ECE1: variants seen among roughly 807,000 people sequenced by gnomAD.
ECE1 encodes endothelin converting enzyme 1, also known as endothelin-converting enzyme 1.
In ECE1, 35 loss-of-function variants were observed where a neutral mutation model predicts 98.6. The ratio of observed to expected loss-of-function variants is 0.35; its 90% confidence interval spans 0.27 to 0.47. The LOEUF is 0.47. Ranked by LOEUF, ECE1 falls within the 20% of genes least tolerant of loss-of-function variation. The pLI is 1.00. For missense variants in ECE1, 814 were observed against 1,025.3 expected, an observed-to-expected ratio of 0.79 and a Z score of 2.81; for synonymous variants, 394 against 407.1, an observed-to-expected ratio of 0.97 and a Z score of 0.39.
At chr1:21,273,344 T>TGC (rs1481880741) in intron 3 of ECE1, among the ~76,000 whole-genome samples, 11 of 89,726 alleles carry the variant, frequency 1.2e-4, no homozygotes, top group Non-Finnish European at 2.1e-4. Flanking sequence ...CGTGCGTGTG[T>TGC]GCGTGTGTGT....
chr1:21,272,961 C>G, intron 3 of ECE1, 50 bp from the exon 4 acceptor site: 6 of 1,604,162 alleles, frequency 3.7e-6, no homozygotes, highest in Non-Finnish European at 5.1e-6. Flanking sequence ...AGGGAAGAAG[C>G]AGGGAGGGCA....
At chr1:21,254,406 T>G (rs1027715467) in intron 8 of ECE1, among the ~76,000 whole-genome samples, 1 of 152,114 alleles carries the variant, frequency 6.6e-6, no homozygotes, top group African/African-American at 2.4e-5. Context: ...TACTACAAGC[T>G]GCTGAGTCTG....
Position 21,247,255 on chromosome 1 carries a change from G to C in ECE1, c.1129C>G (p.Gln377Glu), listed in dbSNP as rs747598133. Reference protein sequence around the residue: ...IVVYDKEYLEQISTLINTTDR... With the variant: ...IVVYDKEYLEEISTLINTTDR... ...GTGGTGTTGATGAGAGTGGAGATCTGCTCAAGGTATTCCTTGTCATAGACC... is the reference window on the plus strand; with the variant it reads ...GTGGTGTTGATGAGAGTGGAGATCTCCTCAAGGTATTCCTTGTCATAGACC... Residue 377 changes from glutamine (Q) to glutamate (E), a missense_variant, in exon 9 of 19, where the codon CAG becomes GAG. Coordinates refer to ENST00000374893, the MANE Select transcript of ECE1 (RefSeq NM_001397.3). 2.5e-6 allele frequency: 4 copies of C among 1,613,520 alleles called. No individual in the cohort carries two copies. The highest frequency in any genetic ancestry group is 1.7e-5 in the Admixed American group (1 of 59,956).
chr1:21,278,403 C>T (rs1247768965), intron 3 of ECE1, among the ~76,000 whole-genome samples: 3 of 152,296 alleles, frequency 2.0e-5, no homozygotes, highest in Non-Finnish European at 2.9e-5. Flanking sequence ...ACAAAGGCAC[C>T]GATCAAGGAA....
At chr1:21,306,598 A>AGTG (rs1489477588) in intron 1 of ECE1, among the ~76,000 whole-genome samples, 6 of 152,190 alleles carry the variant, frequency 3.9e-5, no homozygotes, top group African/African-American at 1.4e-4. Context: ...GGCCTCCCAA[A>AGTG]GTGGGATTAC....
chr1:21,245,960 G>T (rs529341157), intron 9 of ECE1, among the ~76,000 whole-genome samples: 1 of 152,108 alleles, frequency 6.6e-6, no homozygotes, highest in East Asian at 1.9e-4. Flanking sequence ...AAGATCAACA[G>T]GAGTCATTTA....
At chr1:21,255,876 C>T (rs1206021594) in intron 8 of ECE1, 71 bp downstream of exon 8, 17 of 1,507,680 alleles carry the variant, frequency 1.1e-5, no homozygotes, top group East Asian at 2.3e-5. Flanking sequence ...AGTATAAAAG[C>T]CCCCAGTCCA....
chr1:21,287,857 G>A (rs1353021614), intron 2 of ECE1, among the ~76,000 whole-genome samples: 5 of 151,864 alleles, frequency 3.3e-5, no homozygotes, highest in Non-Finnish European at 5.9e-5. Flanking sequence ...ACTAGAAACC[G>A]TTATCTCCAA....
intron 4 of ECE1, among the ~76,000 whole-genome samples, chr1:21,262,469 G>A (rs1474267808): frequency 3.3e-5 from 5 of 152,188 alleles, no homozygotes; most frequent in Admixed American, 1.3e-4. Context: ...CAGGAGAATC[G>A]TCATTGCTCC....
At chr1:21,256,174 C>A (rs1185574437) in intron 7 of ECE1, 36 bp from the exon 8 acceptor site, 1 of 1,575,530 alleles carries the variant, frequency 6.3e-7, no homozygotes, top group East Asian at 2.3e-5. Context: ...CAGTGGCTGC[C>A]CCCCCACTAT....
At chr1:21,315,789 C>CAAA (rs754647376) in intron 1 of ECE1, among the ~76,000 whole-genome samples, 12 of 47,186 alleles carry the variant, frequency 2.5e-4, no homozygotes, top group Admixed American at 4.1e-4. Flanking sequence ...GACTCTGTCT[C>CAAA]AAAAAAAAAA....
chr1:21,335,127 T>C (rs1159358821), intron 1 of ECE1, among the ~76,000 whole-genome samples: 1 of 152,016 alleles, frequency 6.6e-6, no homozygotes, highest in Non-Finnish European at 1.5e-5. Flanking sequence ...ACCCCCTACA[T>C]GTGCCAAACT....
At chr1:21,224,360 A>G (rs561200484) in intron 17 of ECE1, among the ~76,000 whole-genome samples, 2 of 152,246 alleles carry the variant, frequency 1.3e-5, no homozygotes, top group East Asian at 3.9e-4. Context: ...TTCCCCTTCC[A>G]GCCTCCACTA....
At chr1:21,311,979 C>T (rs112479402) in intron 1 of ECE1, among the ~76,000 whole-genome samples, 30,611 of 151,012 alleles carry the variant, frequency 0.2, 3,451 homozygotes, top group Non-Finnish European at 0.25. Flanking sequence ...AAAAATTAGC[C>T]GGGCATGGCA....
At chr1:21,283,810 T>TTAAAAATTCATAGTTCCAGGCA (rs2098257693) in intron 2 of ECE1, among the ~76,000 whole-genome samples, 2 of 152,206 alleles carry the variant, frequency 1.3e-5, no homozygotes, top group African/African-American at 4.8e-5. Context: ...CAGAATTGAA[T>TTAAAAATTCATAGTTCCAGGCA]TAAAAATTCA....
intron 1 of ECE1, among the ~76,000 whole-genome samples, chr1:21,338,865 GT>G (rs1639350158): frequency 6.6e-6 from 1 of 152,204 alleles, no homozygotes; most frequent in African/African-American, 2.4e-5. Context: ...ACATGACTGT[GT>G]TTACGCTGTA....
chr1:21,298,386 C>G, intron 1 of ECE1: 1 of 251,752 alleles, frequency 4.0e-6, no homozygotes, highest in Non-Finnish European at 8.2e-6. Context: ...CTCATCCCAA[C>G]ACAGTGAAGA....
chr1:21,228,568 T>C (rs2098177456), intron 14 of ECE1, among the ~76,000 whole-genome samples: 1 of 152,012 alleles, frequency 6.6e-6, no homozygotes, highest in Non-Finnish European at 1.5e-5. Context: ...GGTGGATTAC[T>C]TGAGGCCAGG....
intron 14 of ECE1, among the ~76,000 whole-genome samples, chr1:21,230,312 T>C (rs1400690242): frequency 6.6e-6 from 1 of 152,216 alleles, no homozygotes; most frequent in Non-Finnish European, 1.5e-5. Context: ...CGTGCACAAG[T>C]ACCAGAAAAG....
Sources: gnomAD v4.1 joint callset for allele counts (sites outside exome capture counted in the v4.1 genomes callset) on GRCh38, gnomAD v4.1.1 for gene constraint, MANE v1.5 for transcripts, NCBI Gene and HGNC (gene_info 2026-07-23, HGNC 2026-07-21) for gene names.